Variants in ATXN7L1 observed in about 807,000 individuals in gnomAD.
ATXN7L1 encodes ataxin 7 like 1, also known as ataxin-7-like protein 1.
In ATXN7L1, 15 loss-of-function variants were observed where a neutral mutation model predicts 70.8. The observed-to-expected ratio is 0.21, with a 90% CI of 0.14 to 0.33. ATXN7L1 has a LOEUF of 0.33. Among genes scored for constraint, ATXN7L1 ranks in the 10% least tolerant of loss-of-function variants. The pLI is 1.00. For missense variants in ATXN7L1, 975 were observed against 1,097.1 expected (o/e 0.89, Z 1.57); for synonymous variants, 440 against 445.1 (o/e 0.99, Z 0.14).
At chr7:105,762,509 A>G (rs1800680353) in intron 3 of ATXN7L1, among the ~76,000 whole-genome samples, 4 of 152,186 alleles carry the variant, frequency 2.6e-5, no homozygotes, top group Admixed American at 2.6e-4. Context: ...CACAACCCCT[A>G]TAGGATGGTA....
intron 9 of ATXN7L1, among the ~76,000 whole-genome samples, chr7:105,618,737 T>C (rs1794295985): frequency 6.6e-6 from 1 of 152,174 alleles, no homozygotes; most frequent in African/African-American, 2.4e-5. Flanking sequence ...ATGACTCCAA[T>C]GGATGATGAT....
Position 105,620,218 on chromosome 7 carries a change from A to C in ATXN7L1, c.1499T>G (p.Leu500Arg). The change falls in exon 9 of 12, where the codon CTG becomes CGG. Residue 500 changes from leucine to arginine, a missense_variant. Transcript: ENST00000419735. ...FALNSMVEKH[L>R]NSQMWKKIPP... ...CACTTACTTCCACATCTGTGAATTC[A>C]GGTGTTTTTCTACCATGGAGTTTAG... 6.4e-7 allele frequency: 1 copy of C among 1,551,382 alleles called. No individual in the cohort carries two copies. The highest frequency in any genetic ancestry group is 8.7e-7 in the Non-Finnish European group (1 of 1,146,748).
At chr7:105,688,548 TA>T (rs541097240) in intron 3 of ATXN7L1, among the ~76,000 whole-genome samples, 1,471 of 142,810 alleles carry the variant, frequency 0.01, 3 homozygotes, top group Admixed American at 0.012. Context: ...CTGTGTCAAT[TA>T]AAAAAAAAAA....
chr7:105,686,650 C>T (rs1225277493), intron 3 of ATXN7L1, among the ~76,000 whole-genome samples: 2 of 152,144 alleles, frequency 1.3e-5, no homozygotes, highest in African/African-American at 2.4e-5. Flanking sequence ...TAACACGAAG[C>T]CTATTTTATA....
intron 2 of ATXN7L1, among the ~76,000 whole-genome samples, chr7:105,871,796 A>AT (rs1818308106): frequency 6.6e-6 from 1 of 152,160 alleles, no homozygotes; most frequent in South Asian, 2.1e-4. Flanking sequence ...TGAAAACTTT[A>AT]TTACAGACAT....
chr7:105,820,210 C>T, intron 2 of ATXN7L1: 1 of 233,762 alleles, frequency 4.3e-6, no homozygotes, highest in Non-Finnish European at 8.3e-6. Context: ...GCCTGTAGGT[C>T]ACAGCAATAG....
intron 3 of ATXN7L1, among the ~76,000 whole-genome samples, chr7:105,713,632 G>T (rs1041927991): frequency 6.6e-6 from 1 of 152,268 alleles, no homozygotes; most frequent in Non-Finnish European, 1.5e-5. Flanking sequence ...GGCAATAAGG[G>T]TGACTCAAGG....
chr7:105,834,079 A>G (rs1289554122), intron 2 of ATXN7L1, among the ~76,000 whole-genome samples: 1 of 152,132 alleles, frequency 6.6e-6, no homozygotes, highest in Non-Finnish European at 1.5e-5. Context: ...GTCTCACTCT[A>G]TTGCCCAGGC....
intron 2 of ATXN7L1, among the ~76,000 whole-genome samples, chr7:105,818,219 G>A (rs1809490184): frequency 6.6e-6 from 1 of 152,090 alleles, no homozygotes; most frequent in South Asian, 2.1e-4. Context: ...GCCCAGGCTG[G>A]AGTGCAGTGG....
chr7:105,736,389 C>G (rs71564735), intron 3 of ATXN7L1, among the ~76,000 whole-genome samples: 9,085 of 152,304 alleles, frequency 0.06, 328 homozygotes, highest in Admixed American at 0.069. Flanking sequence ...GATGAAAACT[C>G]TCTCTGGGTT....
chr7:105,843,084 G>A (rs1048798617), intron 2 of ATXN7L1, among the ~76,000 whole-genome samples: 11 of 152,182 alleles, frequency 7.2e-5, no homozygotes, highest in Non-Finnish European at 1.5e-4. Context: ...GGTGCAGGCA[G>A]AGCAAGCTGA....
chr7:105,799,497 T>TGGGCTCCTATTCAGAGGGTCTC (rs141640114), intron 2 of ATXN7L1, among the ~76,000 whole-genome samples: 85,325 of 151,848 alleles, frequency 0.56, 24,245 homozygotes, highest in East Asian at 0.75. Context: ...CTGGCCATGG[T>TGGGCTCCTATTCAGAGGGTCTC]GGGCGAGAGA....
In ATXN7L1 at chr7:105,856,683, T is replaced by A. The variant is rs78233735; in HGVS notation, c.250+19129A>T. ...AGTAAAATGTATAATAAACATATAT[T>A]TCCATATGCACTAACTTTTTTAGAT... On this transcript the variant is annotated intron_variant, in intron 2 of 11. Transcript: ENST00000419735. 6.8e-3 allele frequency among the ~76,000 whole-genome samples: 1,035 copies of A among 152,290 alleles called. 14 individuals are homozygous for A. The highest frequency in any genetic ancestry group is 0.023 in the African/African-American group (966 of 41,542).
intron 9 of ATXN7L1, among the ~76,000 whole-genome samples, chr7:105,615,462 C>T (rs774908438): frequency 3.3e-5 from 5 of 152,150 alleles, no homozygotes; most frequent in South Asian, 2.1e-4. Flanking sequence ...CACACTGACT[C>T]GCGGCTGCTG....
At chr7:105,791,584 A>G (rs960883229) in intron 2 of ATXN7L1, among the ~76,000 whole-genome samples, 2 of 152,196 alleles carry the variant, frequency 1.3e-5, no homozygotes, top group East Asian at 3.8e-4. Flanking sequence ...TCATTTTTTA[A>G]AAATAAAACA....
At chr7:105,810,718 T>C (rs1808314312) in intron 2 of ATXN7L1, among the ~76,000 whole-genome samples, 1 of 152,234 alleles carries the variant, frequency 6.6e-6, no homozygotes, top group Admixed American at 6.5e-5. Flanking sequence ...GTAGAGGCAC[T>C]GAAGCCGGGG....
chr7:105,627,273 C>T (rs1323906794), intron 7 of ATXN7L1, among the ~76,000 whole-genome samples: 1 of 152,108 alleles, frequency 6.6e-6, no homozygotes, highest in Non-Finnish European at 1.5e-5. Flanking sequence ...CTTGCTCTGT[C>T]ACCCAGGCTG....
intron 10 of ATXN7L1, 77 bp downstream of exon 10, chr7:105,613,785 G>A (rs1042526270): frequency 1.9e-5 from 29 of 1,547,984 alleles, no homozygotes; most frequent in South Asian, 3.6e-5. Flanking sequence ...TGTCGGAGCC[G>A]CCCGGCTAAG....
intron 9 of ATXN7L1, among the ~76,000 whole-genome samples, chr7:105,617,275 C>T (rs748305141): frequency 2.6e-5 from 4 of 152,170 alleles, no homozygotes; most frequent in Admixed American, 1.3e-4. Context: ...CTGCCTGCCT[C>T]GGCCTCCCAA....
Sources: gnomAD v4.1 joint callset for allele counts (sites outside exome capture counted in the v4.1 genomes callset) on GRCh38, gnomAD v4.1.1 for gene constraint, MANE v1.5 for transcripts, NCBI Gene and HGNC (gene_info 2026-07-23, HGNC 2026-07-21) for gene names.